MAP2K6: variants seen among roughly 807,000 people sequenced by gnomAD.
MAP2K6 encodes the protein mitogen-activated protein kinase kinase 6, also known as dual specificity mitogen-activated protein kinase kinase 6.
In MAP2K6, 16 loss-of-function variants were observed where a neutral mutation model predicts 53.7. The observed-to-expected ratio is 0.30, with a 90% CI of 0.20 to 0.45. MAP2K6 has a LOEUF of 0.45. Among genes scored for constraint, MAP2K6 ranks in the 20% least tolerant of loss-of-function variants. The pLI is 1.00. For synonymous variants in MAP2K6, 132 were observed against 143.1 expected (o/e 0.92, Z 0.55); for missense variants, 204 against 411.9 (o/e 0.50, Z 4.37).
At chr17:69,471,838 A>G (rs1907991824) in intron 1 of MAP2K6, among the ~76,000 whole-genome samples, 1 of 152,208 alleles carries the variant, frequency 6.6e-6, no homozygotes, top group Admixed American at 6.5e-5. Flanking sequence ...CCCTCCTTGT[A>G]TTGTCAGTAC....
intron 1 of MAP2K6, among the ~76,000 whole-genome samples, chr17:69,446,847 A>T (rs1011096110): frequency 7.5e-6 from 1 of 133,838 alleles, no homozygotes; most frequent in African/African-American, 2.9e-5. Context: ...CAATTGCTAG[A>T]CTTAAGAATA....
chr17:69,461,046 A>G (rs1907608922), intron 1 of MAP2K6, among the ~76,000 whole-genome samples: 1 of 152,208 alleles, frequency 6.6e-6, no homozygotes, highest in South Asian at 2.1e-4. Context: ...GAGAAGTAGG[A>G]TGTGATACAG....
chr17:69,526,420 A>C, intron 9 of MAP2K6, 150 bp from the exon 10 acceptor site: 1 of 768,538 alleles, frequency 1.3e-6, no homozygotes, highest in South Asian at 1.8e-5. Context: ...TAGAGAACAA[A>C]TTATTAGTTT....
At chr17:69,507,332 T>TTGTG (rs34572619) in intron 2 of MAP2K6, among the ~76,000 whole-genome samples, 99 of 149,442 alleles carry the variant, frequency 6.6e-4, no homozygotes, top group Middle Eastern at 3.4e-3. Flanking sequence ...AAGTATTCCT[T>TTGTG]TGTGTGTGTG....
rs529694321 is a variant in MAP2K6, at chr17:69,519,784, CT to C, written c.366+354del. On this transcript the variant is annotated intron_variant, in intron 5 of 11. Coordinates refer to ENST00000590474, the MANE Select transcript of MAP2K6 (RefSeq NM_002758.4). Reference sequence around the variant, plus strand: ...TGCTTTAGGAGCTTCATCTAGCCTACTTGTGTACTATATAGACTTACTTTGA... The same window carrying C: ...TGCTTTAGGAGCTTCATCTAGCCTACTGTGTACTATATAGACTTACTTTGA... 9.9e-4 allele frequency: 247 copies of C among 248,888 alleles called. 1 individual carries two copies. Among genetic ancestry groups the C allele is most frequent in the Middle Eastern group, 3.0e-3 (2 of 676 alleles). 15.4% of individuals were successfully genotyped at this position (248,888 alleles called of 1,614,324 possible).
chr17:69,414,882 G>A lies in MAP2K6; in HGVS notation c.-103G>A. ...TCAAGAGAAACTCCACTTGCATGAA[G>A]ATTGCACGCCTGCAGCTTGCATCTT... On this transcript the variant is annotated 5_prime_UTR_variant, in exon 1 of 12. Transcript: ENST00000590474. The A allele has an allele frequency of 9.5e-7, 1 of 1,056,566 alleles. No individual in the cohort carries two copies. Among genetic ancestry groups the A allele is most frequent in the Non-Finnish European group, 1.4e-6 (1 of 692,202 alleles). 65.4% of individuals were successfully genotyped at this position (1,056,566 alleles called of 1,614,324 possible).
Position 69,552,276 on chromosome 17 carries a change from C to A in MAP2K6, c.*10523C>A, listed in dbSNP as rs1229790388. 6.6e-6 allele frequency: 1 copy of A among 152,212 alleles called. No individual in the cohort carries two copies. Among genetic ancestry groups the A allele is most frequent in the Non-Finnish European group, 1.5e-5 (1 of 68,036 alleles). The allele number at this position is 152,212 out of a possible 1,614,324, so 9.4% of individuals were successfully genotyped here. A position where few individuals can be genotyped will look rare whatever the true frequency, so the allele number is the denominator to read the frequency against. ...ACCTCTTCTTGGTACCTGAAATATT[C>A]TGAAAGGATATCGGAGAGGTCCTAT... On this transcript the variant is annotated 3_prime_UTR_variant, in exon 12 of 12. Coordinates refer to ENST00000590474, the MANE Select transcript of MAP2K6 (RefSeq NM_002758.4).
At chr17:69,518,552 G>A (rs184006224) in intron 4 of MAP2K6, among the ~76,000 whole-genome samples, 324 of 152,250 alleles carry the variant, frequency 2.1e-3, no homozygotes, top group Non-Finnish European at 3.2e-3. Context: ...GTAGGTGTTT[G>A]GAGGATCATA....
chr17:69,513,560 C>A (rs182163375), intron 2 of MAP2K6, among the ~76,000 whole-genome samples: 1 of 152,056 alleles, frequency 6.6e-6, no homozygotes, highest in African/African-American at 2.4e-5. Context: ...GGTCAGCAAA[C>A]TTTTTTGTAA....
intron 1 of MAP2K6, among the ~76,000 whole-genome samples, chr17:69,424,987 T>C (rs1906221973): frequency 6.6e-6 from 1 of 152,240 alleles, no homozygotes; most frequent in South Asian, 2.1e-4. Flanking sequence ...GTAGGTTGTA[T>C]CACACAGAAA....
chr17:69,479,287 T>G (rs141937358), intron 1 of MAP2K6, among the ~76,000 whole-genome samples: 8 of 152,242 alleles, frequency 5.3e-5, no homozygotes, highest in African/African-American at 1.9e-4. Context: ...GCATCCCTAA[T>G]CTGAAAAGCT....
At chr17:69,440,821 C>T (rs1159085722) in intron 1 of MAP2K6, among the ~76,000 whole-genome samples, 1 of 151,490 alleles carries the variant, frequency 6.6e-6, no homozygotes, top group African/African-American at 2.4e-5. Context: ...TGTTACTCAA[C>T]TTATTTTCTC....
intron 1 of MAP2K6, among the ~76,000 whole-genome samples, chr17:69,496,280 T>TG (rs1449573817): frequency 4.0e-5 from 6 of 151,084 alleles, no homozygotes; most frequent in Admixed American, 1.3e-4. Context: ...CCTTCTTTTT[T>TG]TTTTTTTTTG....
intron 11 of MAP2K6, among the ~76,000 whole-genome samples, chr17:69,538,507 A>G (rs1598322097): frequency 1.3e-5 from 2 of 152,210 alleles, no homozygotes; most frequent in African/African-American, 4.8e-5. Context: ...GAGGTTTTCA[A>G]ACGGAAAATC....
intron 1 of MAP2K6, among the ~76,000 whole-genome samples, chr17:69,495,647 C>T (rs987642157): frequency 6.6e-6 from 1 of 152,034 alleles, no homozygotes; most frequent in African/African-American, 2.4e-5. Context: ...TTATCTGTAT[C>T]TCTATCCCCC....
chr17:69,439,648 T>G (rs542614515), intron 1 of MAP2K6, among the ~76,000 whole-genome samples: 2 of 152,324 alleles, frequency 1.3e-5, no homozygotes, highest in Admixed American at 6.5e-5. Context: ...TCTGATGTTA[T>G]CTTTGCTCTC....
chr17:69,534,048 G>C (rs1205503254), intron 10 of MAP2K6, among the ~76,000 whole-genome samples: 1 of 152,126 alleles, frequency 6.6e-6, no homozygotes, highest in South Asian at 2.1e-4. Flanking sequence ...GTTCTTTGTT[G>C]TGCGGGATTG....
intron 1 of MAP2K6, among the ~76,000 whole-genome samples, chr17:69,441,306 G>A (rs1012223832): frequency 6.6e-6 from 1 of 152,072 alleles, no homozygotes; most frequent in Non-Finnish European, 1.5e-5. Context: ...TGTCCCTGAA[G>A]ATTTTTTTTC....
chr17:69,494,953 C>T lies in MAP2K6; in HGVS notation c.17-10827C>T, dbSNP rs926694678. Reference sequence around the variant, plus strand: ...CTGGGAGGTGGAGGTTGCCGTGAGCCGAGATCGCGACATTGCACTCCAGCC... The same window carrying T: ...CTGGGAGGTGGAGGTTGCCGTGAGCTGAGATCGCGACATTGCACTCCAGCC... On this transcript the variant is annotated intron_variant, in intron 1 of 11. Coordinates refer to ENST00000590474, the MANE Select transcript of MAP2K6 (RefSeq NM_002758.4). This position sits in a 1 kb window ranked among gnomAD's most constrained non-coding sequence, Gnocchi z 4.2. Among the ~76,000 whole-genome samples, 8 of 151,592 alleles carry T rather than the reference C, an allele frequency of 5.3e-5. No individual in the cohort carries two copies. The highest frequency in any genetic ancestry group is 1.7e-4 in the African/African-American group (7 of 41,244).
Sources: allele counts gnomAD v4.1 joint callset (sites outside exome capture counted in the v4.1 genomes callset), GRCh38; gene constraint gnomAD v4.1.1; non-coding constraint Gnocchi (gnomAD v3.1); transcripts MANE v1.5; gene names NCBI Gene and HGNC (gene_info 2026-07-23, HGNC 2026-07-21).